The following PLCH1 variants were observed in gnomAD, a reference collection of about 807,000 sequenced individuals.
The protein encoded by PLCH1 is 1-phosphatidylinositol 4,5-bisphosphate phosphodiesterase eta-1.
A neutral mutation model predicts 126.7 loss-of-function variants in PLCH1; 60 were observed. That is an observed-to-expected ratio of 0.47 (90% CI 0.38 to 0.59). The LOEUF (loss-of-function observed/expected upper bound fraction) is 0.59, where lower values mean the gene tolerates loss of function less well. PLCH1 is among the 20% of genes least tolerant of loss of function. The probability of loss-of-function intolerance (pLI) is 0.00; values close to 1 mark genes in which losing one functional copy is unlikely to be tolerated. For synonymous variants in PLCH1, 719 were observed against 734.9 expected, an observed-to-expected ratio of 0.98 and a Z score of 0.35; for missense variants, 1,723 against 2,040.0, an observed-to-expected ratio of 0.84 and a Z score of 2.99.
At chr3:155,666,847 A>G (rs1742774649) in intron 2 of PLCH1, among the ~76,000 whole-genome samples, 2 of 152,146 alleles carry the variant, frequency 1.3e-5, no homozygotes, top group African/African-American at 4.8e-5. Flanking sequence ...GAAAACTAAT[A>G]TAGGTTGTCA....
intron 2 of PLCH1, among the ~76,000 whole-genome samples, chr3:155,599,010 C>T (rs1315763991): frequency 3.9e-5 from 5 of 129,588 alleles, no homozygotes; most frequent in East Asian, 2.7e-4. Flanking sequence ...TTTCTCTCTC[C>T]ACCCGCCCCC....
At chr3:155,523,118 G>A (rs1721384525) in intron 11 of PLCH1, among the ~76,000 whole-genome samples, 1 of 152,064 alleles carries the variant, frequency 6.6e-6, no homozygotes, top group African/African-American at 2.4e-5. Flanking sequence ...AGGACTACAG[G>A]CGCCCACCAC....
At chr3:155,604,295 T>C (rs1055993855) in intron 2 of PLCH1, among the ~76,000 whole-genome samples, 9 of 152,220 alleles carry the variant, frequency 5.9e-5, no homozygotes, top group Admixed American at 5.2e-4. Flanking sequence ...TATGAATAAA[T>C]GTGCTTACAA....
chr3:155,596,424 G>A (rs889198271), intron 2 of PLCH1, 46 bp from the exon 3 acceptor site: 4 of 1,514,426 alleles, frequency 2.6e-6, no homozygotes, highest in Admixed American at 3.6e-5. Flanking sequence ...CAATGCACAG[G>A]CATACTGGTG....
chr3:155,583,420 A>G (rs1365357202), intron 6 of PLCH1, 52 bp downstream of exon 6: 5 of 1,379,728 alleles, frequency 3.6e-6, no homozygotes, highest in Non-Finnish European at 5.0e-6. Flanking sequence ...AGAAAGACAT[A>G]TCTTTCATGA....
Position 155,659,541 on chromosome 3 carries a change from C to T in PLCH1, c.79+44605G>A, listed in dbSNP as rs1741875267. The stretch of plus-strand genomic sequence containing the variant: ...TGTTTTGAGATAGACTCTCTGTTGC[C>T]CAGGCTGGAGTGCAGTAGCATGATC... On this transcript the variant is annotated intron_variant, in intron 2 of 22. Transcript: ENST00000460012. Among the ~76,000 whole-genome samples, 3 of 151,446 alleles carry T rather than the reference C, an allele frequency of 2.0e-5. No homozygotes were observed. In the South Asian group the frequency reaches 6.3e-4, roughly 32 times the overall value.
intron 11 of PLCH1, among the ~76,000 whole-genome samples, chr3:155,522,971 G>A (rs1721331616): frequency 6.9e-6 from 1 of 145,590 alleles, no homozygotes; most frequent in Non-Finnish European, 1.5e-5. Context: ...TGCGGGGGGG[G>A]TGGGGTGTGG....
chr3:155,469,502 G>A (rs1292827471), intron 21 of PLCH1, among the ~76,000 whole-genome samples: 13 of 151,856 alleles, frequency 8.6e-5, no homozygotes, highest in African/African-American at 2.4e-4. Flanking sequence ...CTGGGGGAGG[G>A]GCGCCCGCCA....
intron 13 of PLCH1, among the ~76,000 whole-genome samples, chr3:155,502,092 A>G (rs886092783): frequency 1.2e-4 from 18 of 152,188 alleles, no homozygotes; most frequent in African/African-American, 3.4e-4. Flanking sequence ...GTAAGATGCC[A>G]GTTTGGTTTG....
intron 1 of PLCH1, among the ~76,000 whole-genome samples, chr3:155,734,710 CTTTT>C (rs1226347081): frequency 7.4e-6 from 1 of 135,514 alleles, no homozygotes. Context: ...TTTTCTTTTT[CTTTT>C]TTTTTTTTTT....
Position 155,568,336 on chromosome 3 carries a change from A to T in PLCH1, c.772-12T>A. The T allele has an allele frequency of 8.9e-7, 1 of 1,126,894 alleles. No individual in the cohort carries two copies. Among genetic ancestry groups the T allele is most frequent in the Non-Finnish European group, 1.3e-6 (1 of 744,508 alleles). The allele number at this position is 1,126,894 out of a possible 1,614,324, so 69.8% of individuals were successfully genotyped here. On this transcript the variant is annotated splice_polypyrimidine_tract_variant and intron_variant, in intron 6 of 22. Transcript: ENST00000460012. ...GTCACATTATTCATCTAAGAAAAAC[A>T]GAATACTAGTAGAGTACCTGCAATT...
intron 21 of PLCH1, among the ~76,000 whole-genome samples, chr3:155,467,225 AG>A (rs1222857734): frequency 6.6e-6 from 1 of 152,098 alleles, no homozygotes; most frequent in Non-Finnish European, 1.5e-5. Context: ...TCAAGGATAA[AG>A]AAAGATCTTC....
intron 2 of PLCH1, among the ~76,000 whole-genome samples, chr3:155,693,471 C>CAAAAAA (rs1227159940): frequency 1.8e-3 from 19 of 10,318 alleles, no homozygotes; most frequent in Non-Finnish European, 2.3e-3. Context: ...GACTCCGTCT[C>CAAAAAA]AAAAAAAAAA....
rs184167541 is a variant in PLCH1, at chr3:155,470,003, C to T, written c.2938+15353G>A. Among the ~76,000 whole-genome samples, 455 of 152,298 alleles carry T rather than the reference C, an allele frequency of 3.0e-3. 2 individuals are homozygous for T. The highest frequency in any genetic ancestry group is 9.6e-3 in the African/African-American group (401 of 41,564). ...AAACAGAACAGAAAAACTGGAAACT[C>T]TAAAACGCAGAACGCCTCTCCTCCT... On this transcript the variant is annotated intron_variant, in intron 21 of 21. Coordinates refer to the PLCH1 transcript ENST00000494598.
intron 2 of PLCH1, among the ~76,000 whole-genome samples, chr3:155,608,674 C>T (rs1404327922): frequency 6.6e-6 from 1 of 152,128 alleles, no homozygotes; most frequent in Non-Finnish European, 1.5e-5. Flanking sequence ...CATCGGCCAT[C>T]CCACACAGCA....
At chr3:155,693,833 G>A (rs992728886) in intron 2 of PLCH1, among the ~76,000 whole-genome samples, 2 of 152,062 alleles carry the variant, frequency 1.3e-5, no homozygotes, top group Non-Finnish European at 2.9e-5. Context: ...GAGAGGCTGA[G>A]GCAGGGGAAT....
chr3:155,732,251 G>A (rs1748827545), intron 1 of PLCH1, among the ~76,000 whole-genome samples: 1 of 151,914 alleles, frequency 6.6e-6, no homozygotes, highest in Non-Finnish European at 1.5e-5. Flanking sequence ...GGAGCTGAAG[G>A]ATGCAATGAA....
chr3:155,669,959 A>G (rs1350635224), intron 2 of PLCH1, among the ~76,000 whole-genome samples: 2 of 152,218 alleles, frequency 1.3e-5, no homozygotes, highest in African/African-American at 4.8e-5. Flanking sequence ...GTGTGTGTGC[A>G]TGTATGTACT....
intron 7 of PLCH1, among the ~76,000 whole-genome samples, chr3:155,566,278 TACATATATATACGTATATATAC>T (rs1177791012): frequency 1.4e-5 from 1 of 70,760 alleles, no homozygotes; most frequent in Non-Finnish European, 3.7e-5. Flanking sequence ...TATACATATA[TACATATATATACGTATATATAC>T]ACATATATAT....
Sources: allele counts gnomAD v4.1 joint callset (sites outside exome capture counted in the v4.1 genomes callset), GRCh38; gene constraint gnomAD v4.1.1; transcripts MANE v1.5; gene names NCBI Gene and HGNC (gene_info 2026-07-23, HGNC 2026-07-21).